IGF2BP3: variants seen among roughly 807,000 people sequenced by gnomAD.
IGF2BP3 encodes insulin like growth factor 2 mRNA binding protein 3.
A neutral mutation model predicts 73.8 loss-of-function variants in IGF2BP3; 9 were observed. That is an observed-to-expected ratio of 0.12 (90% CI 0.07 to 0.21). The LOEUF is 0.21. Ranked by LOEUF, IGF2BP3 falls within the 10% of genes least tolerant of loss-of-function variation. IGF2BP3 has a pLI of 1.00. For missense variants in IGF2BP3, 542 were observed against 714.0 expected, an observed-to-expected ratio of 0.76 and a Z score of 2.75; for synonymous variants, 258 against 256.7, an observed-to-expected ratio of 1.01 and a Z score of -0.05.
chr7:23,380,425 A>T (rs1057368418), intron 3 of IGF2BP3, among the ~76,000 whole-genome samples: 1 of 151,968 alleles, frequency 6.6e-6, no homozygotes, highest in African/African-American at 2.4e-5. Flanking sequence ...GGCCTCCCAA[A>T]GTGCTGGGGT....
intron 3 of IGF2BP3, among the ~76,000 whole-genome samples, chr7:23,377,346 T>C (rs996913759): frequency 6.6e-6 from 1 of 152,170 alleles, no homozygotes; most frequent in Non-Finnish European, 1.5e-5. Flanking sequence ...AAAGAAGATA[T>C]ACAGATGACT....
intron 3 of IGF2BP3, among the ~76,000 whole-genome samples, chr7:23,416,829 G>A (rs1389382106): frequency 2.0e-5 from 3 of 152,196 alleles, no homozygotes; most frequent in Non-Finnish European, 4.4e-5. Flanking sequence ...CAAGGCTGGT[G>A]GATCGCCTGA....
Position 23,313,590 on chromosome 7 carries a change from T to C in IGF2BP3, c.1459A>G (p.Lys487Glu). ...ENFVSPKEEV[K>E]LEAHIRVPSF... The stretch of plus-strand genomic sequence containing the variant: ...GGCACTCTGATATGAGCTTCAAGTT[T>C]CACCTCTTCTTTAGGACTAACAAAG... Residue 487 changes from lysine to glutamate, a missense_variant, in exon 13 of 15, where the codon AAA becomes GAA. Transcript: ENST00000258729. The C allele has an allele frequency of 6.2e-7, 1 of 1,614,090 alleles. No individual in the cohort carries two copies. The highest frequency in any genetic ancestry group is 8.5e-7 in the Non-Finnish European group (1 of 1,179,996).
intron 2 of IGF2BP3, among the ~76,000 whole-genome samples, chr7:23,421,017 T>C (rs557612362): frequency 5.3e-5 from 8 of 152,228 alleles, no homozygotes; most frequent in Admixed American, 2.0e-4. Context: ...TCTTTTTCTT[T>C]TGTGTGTGTG....
At chr7:23,374,465 C>T (rs895977342) in intron 3 of IGF2BP3, among the ~76,000 whole-genome samples, 1 of 151,984 alleles carries the variant, frequency 6.6e-6, no homozygotes, top group African/African-American at 2.4e-5. Context: ...CAATTGAGGC[C>T]AAGAGTTTGA....
intron 2 of IGF2BP3, among the ~76,000 whole-genome samples, chr7:23,441,565 T>C (rs1249538681): frequency 4.1e-5 from 4 of 97,140 alleles, no homozygotes; most frequent in South Asian, 3.7e-4. Context: ...AGAGTGAGAC[T>C]CCATCTCTTA....
chr7:23,432,455 T>A (rs571617119), intron 2 of IGF2BP3, among the ~76,000 whole-genome samples: 1 of 152,252 alleles, frequency 6.6e-6, no homozygotes, highest in South Asian at 2.1e-4. Context: ...CACTGGGCCT[T>A]TGTTTTACTT....
intron 2 of IGF2BP3, among the ~76,000 whole-genome samples, chr7:23,425,200 G>A (rs903940346): frequency 6.6e-6 from 1 of 152,274 alleles, no homozygotes; most frequent in African/African-American, 2.4e-5. Context: ...GCATACAGTT[G>A]ATATGCTGAT....
In IGF2BP3 at chr7:23,321,722, C is replaced by A. The variant is rs543460837; in HGVS notation, c.1204-2468G>T. Among the ~76,000 whole-genome samples the A allele has an allele frequency of 4.6e-4, 70 of 152,326 alleles. 1 individual carries two copies. Among genetic ancestry groups the A allele is most frequent in the Middle Eastern group, 3.4e-3 (1 of 294 alleles). On this transcript the variant is annotated intron_variant, in intron 10 of 14. Transcript: ENST00000258729. ...TGGTTCTCCCAGCACACAGCTAGAGCTCTGAGAACGGGCAGACTGCCTCCT... is the reference window on the plus strand; with the variant it reads ...TGGTTCTCCCAGCACACAGCTAGAGATCTGAGAACGGGCAGACTGCCTCCT...
chr7:23,364,377 A>C (rs1425408152), intron 3 of IGF2BP3, among the ~76,000 whole-genome samples: 1 of 151,088 alleles, frequency 6.6e-6, no homozygotes, highest in East Asian at 1.9e-4. Context: ...CCATCTAAAA[A>C]AAAAAAGAAA....
chr7:23,328,269 C>A (rs1784356230), intron 10 of IGF2BP3, among the ~76,000 whole-genome samples: 1 of 152,042 alleles, frequency 6.6e-6, no homozygotes, highest in Non-Finnish European at 1.5e-5. Flanking sequence ...AGTGTAGTGG[C>A]ACAATCTTGG....
At chr7:23,407,858 C>T (rs1443225947) in intron 3 of IGF2BP3, among the ~76,000 whole-genome samples, 1 of 142,638 alleles carries the variant, frequency 7.0e-6, no homozygotes, top group Non-Finnish European at 1.5e-5. Context: ...AAAATGTTAG[C>T]AAATTAAACC....
intron 2 of IGF2BP3, among the ~76,000 whole-genome samples, chr7:23,446,504 C>A (rs1788068042): frequency 2.6e-5 from 4 of 152,084 alleles, no homozygotes; most frequent in Admixed American, 1.3e-4. Flanking sequence ...TGGCAGTGAG[C>A]CGAGATCGCA....
At chr7:23,319,476 G>A (rs1427914126) in intron 10 of IGF2BP3, among the ~76,000 whole-genome samples, 1 of 152,120 alleles carries the variant, frequency 6.6e-6, no homozygotes, top group African/African-American at 2.4e-5. Flanking sequence ...TTTCTCTACT[G>A]TTGCCTTAAA....
intron 2 of IGF2BP3, among the ~76,000 whole-genome samples, chr7:23,460,809 G>T (rs371643466): frequency 2.6e-4 from 40 of 152,076 alleles, no homozygotes; most frequent in African/African-American, 9.2e-4. Flanking sequence ...AAATCAACTG[G>T]GCATGGTGGT....
chr7:23,396,223 C>A (rs886520192), intron 3 of IGF2BP3, among the ~76,000 whole-genome samples: 1 of 151,940 alleles, frequency 6.6e-6, no homozygotes, highest in Non-Finnish European at 1.5e-5. Context: ...AGACACAAGT[C>A]ATAAGACAAT....
chr7:23,430,557 G>A (rs1305395745), intron 2 of IGF2BP3, among the ~76,000 whole-genome samples: 1 of 152,180 alleles, frequency 6.6e-6, no homozygotes. Context: ...TGTCCAAAGA[G>A]GACTTCATTC....
chr7:23,438,977 G>A (rs1317377406), intron 2 of IGF2BP3, among the ~76,000 whole-genome samples: 2 of 151,970 alleles, frequency 1.3e-5, no homozygotes, highest in East Asian at 1.9e-4. Flanking sequence ...CAGGCATGGT[G>A]GCTGACACCT....
chr7:23,419,383 C>G (rs1041111635), intron 2 of IGF2BP3, among the ~76,000 whole-genome samples: 1 of 152,202 alleles, frequency 6.6e-6, no homozygotes, highest in Non-Finnish European at 1.5e-5. Flanking sequence ...TATTTTCATA[C>G]CACATTAGAC....
Sources: allele counts gnomAD v4.1 joint callset (sites outside exome capture counted in the v4.1 genomes callset), GRCh38; gene constraint gnomAD v4.1.1; transcripts MANE v1.5; gene names NCBI Gene and HGNC (gene_info 2026-07-23, HGNC 2026-07-21).